SCAPER: variants seen among roughly 807,000 people sequenced by gnomAD.
The protein encoded by SCAPER is S-phase cyclin A associated protein in the ER, also known as S phase cyclin A-associated protein in the endoplasmic reticulum.
SCAPER carries 98 observed loss-of-function variants against 182.2 expected under a neutral mutation model. The observed-to-expected ratio is 0.54, with a 90% CI of 0.46 to 0.64. The LOEUF is 0.64. SCAPER is among the 30% of genes least tolerant of loss of function. The pLI, the probability that SCAPER is intolerant of heterozygous loss-of-function variation, is 0.00. For missense variants in SCAPER, 1,432 were observed against 1,690.0 expected, an observed-to-expected ratio of 0.85 and a Z score of 2.68; for synonymous variants, 605 against 564.6, an observed-to-expected ratio of 1.07 and a Z score of -1.01.
intron 22 of SCAPER, among the ~76,000 whole-genome samples, chr15:76,618,995 C>T (rs941969666): frequency 3.9e-5 from 6 of 152,154 alleles, no homozygotes; most frequent in Non-Finnish European, 7.3e-5. Context: ...CAGGTGCACA[C>T]CACTATGCCC....
At position 76,472,857 on chromosome 15, in the gene SCAPER, C is replaced by T. The variant is rs368085183; in HGVS notation, c.2955-1522G>A. On this transcript the variant is annotated intron_variant, in intron 24 of 31. Transcript: ENST00000563290. ...ACATGTAGCCACCTTGGCACAAATC[C>T]CTTGTGGTATGAAATAACAAATTAG... is the stretch of plus-strand genomic sequence containing the variant. 5.9e-5 allele frequency among the ~76,000 whole-genome samples: 9 copies of T among 152,218 alleles called. No individual in the cohort carries two copies. The East Asian group carries it at 1.2e-3, about 20-fold the overall frequency.
At chr15:76,608,516 C>T (rs1206067762) in intron 22 of SCAPER, among the ~76,000 whole-genome samples, 1 of 152,154 alleles carries the variant, frequency 6.6e-6, no homozygotes, top group Admixed American at 6.5e-5. Context: ...AAGTTGCGTG[C>T]TGGGAGAACC....
intron 22 of SCAPER, among the ~76,000 whole-genome samples, chr15:76,615,221 G>A (rs1184793733): frequency 6.6e-6 from 1 of 151,850 alleles, no homozygotes; most frequent in Admixed American, 6.6e-5. Context: ...AGGGGGGGCG[G>A]ATTGCTTGAG....
At chr15:76,421,316 A>C (rs2046021531) in intron 26 of SCAPER, among the ~76,000 whole-genome samples, 1 of 152,246 alleles carries the variant, frequency 6.6e-6, no homozygotes, top group South Asian at 2.1e-4. Context: ...CGCCATTCTA[A>C]CTGGTGTGAG....
intron 17 of SCAPER, among the ~76,000 whole-genome samples, chr15:76,715,122 T>C (rs1489351162): frequency 1.3e-5 from 2 of 152,050 alleles, no homozygotes; most frequent in East Asian, 1.9e-4. Context: ...ATCCCACTCA[T>C]TGGAGACCTC....
chr15:76,397,380 TA>T (rs1163822607), intron 27 of SCAPER, among the ~76,000 whole-genome samples: 3 of 152,186 alleles, frequency 2.0e-5, no homozygotes, highest in Admixed American at 6.5e-5. Context: ...TTTTTTGGAA[TA>T]GTTTGAGTAG....
intron 22 of SCAPER, among the ~76,000 whole-genome samples, chr15:76,608,870 G>C (rs2050715811): frequency 6.6e-6 from 1 of 152,164 alleles, no homozygotes; most frequent in Non-Finnish European, 1.5e-5. Flanking sequence ...AAGCCCGTTG[G>C]AAAAGCGCAG....
intron 25 of SCAPER, among the ~76,000 whole-genome samples, chr15:76,436,969 A>AT (rs2047240782): frequency 6.6e-6 from 1 of 152,190 alleles, no homozygotes. Flanking sequence ...CATGGTGCCC[A>AT]TTTTCAGAGG....
At chr15:76,429,356 C>T (rs1463200926) in intron 26 of SCAPER, among the ~76,000 whole-genome samples, 2 of 152,064 alleles carry the variant, frequency 1.3e-5, no homozygotes, top group Non-Finnish European at 2.9e-5. Context: ...AACTGGGTAA[C>T]AGGTAAAGGT....
intron 8 of SCAPER, among the ~76,000 whole-genome samples, chr15:76,786,401 A>G (rs983346752): frequency 6.6e-6 from 1 of 152,102 alleles, no homozygotes; most frequent in Non-Finnish European, 1.5e-5. Context: ...TCATCAGATC[A>G]TATCAACTGA....
chr15:76,601,878 T>C lies in SCAPER; in HGVS notation c.2711+19886A>G, dbSNP rs1382612808. On this transcript the variant is annotated intron_variant, in intron 22 of 31. Transcript: ENST00000563290. ...TCATCCCTTGGTATATGTGTGAGAT[T>C]GGTTCCAGGAACCCCATGTAAAGCA... Among the ~76,000 whole-genome samples the C allele has an allele frequency of 1.6e-5, 2 of 121,592 alleles. 1 individual carries two copies. Among genetic ancestry groups the C allele is most frequent in the Non-Finnish European group, 4.0e-5 (2 of 50,138 alleles). The allele number at this position is 121,592 out of a possible 152,430, so 79.8% of individuals were successfully genotyped here.
intron 20 of SCAPER, among the ~76,000 whole-genome samples, chr15:76,678,571 T>C (rs1220489163): frequency 6.6e-6 from 1 of 152,068 alleles, no homozygotes; most frequent in Non-Finnish European, 1.5e-5. Flanking sequence ...GGTTAAAACT[T>C]ATATTTCTTG....
chr15:76,872,028 G>T (rs1189302614), intron 2 of SCAPER, among the ~76,000 whole-genome samples: 1 of 151,866 alleles, frequency 6.6e-6, no homozygotes, highest in Admixed American at 6.6e-5. Flanking sequence ...AATTCACATG[G>T]ATATTCTAGA....
chr15:76,795,403 G>C lies in SCAPER; in HGVS notation c.649C>G (p.Pro217Ala), dbSNP rs1447903246. The C allele has an allele frequency of 1.2e-6, 2 of 1,607,956 alleles. No homozygotes were observed. The highest frequency in any genetic ancestry group is 1.1e-5 in the South Asian group (1 of 90,246). ...TTGTCAGCCCAACTGACACCTGTGG[G>C]AGCCAGACGAGGAGCTGGCACTGTG... Reference protein sequence around the residue: ...TGTVPAPRLAPTGVSWADKVK... With the variant: ...TGTVPAPRLAATGVSWADKVK... The change falls in exon 8 of 32, where the codon CCC becomes GCC. Residue 217 changes from proline (P) to alanine (A), a missense_variant. Physicochemically the swap from Pro to Ala is conservative, Grantham distance 27. This residue lies in a region of SCAPER where 480 missense variants were observed against 510.2 expected (regional missense o/e 0.94). Transcript: ENST00000563290.
intron 25 of SCAPER, among the ~76,000 whole-genome samples, chr15:76,452,857 T>A (rs75364878): frequency 1.3e-5 from 2 of 152,044 alleles, no homozygotes; most frequent in African/African-American, 4.8e-5. Flanking sequence ...TTTTTTTTTT[T>A]AGAGATAGAG....
intron 25 of SCAPER, among the ~76,000 whole-genome samples, chr15:76,464,994 C>T (rs375939088): frequency 1.3e-5 from 2 of 152,004 alleles, no homozygotes; most frequent in Admixed American, 6.6e-5. Context: ...TGATTTTGGT[C>T]ATCTTTTCAT....
Position 76,476,595 on chromosome 15 carries a change from A to ATTTTTTTTT in SCAPER, c.2955-5269_2955-5261dup, listed in dbSNP as rs5813839. On this transcript the variant is annotated intron_variant, in intron 24 of 31. Coordinates refer to ENST00000563290, the MANE Select transcript of SCAPER (RefSeq NM_020843.4). ...AGGTACACACCACAACACCCAGCTAATTTTTTTTTTTTTTTTTTTTTTTTT... is the reference window on the plus strand; with the variant it reads ...AGGTACACACCACAACACCCAGCTAATTTTTTTTTTTTTTTTTTTTTTTTTTTTTTTTTT... 3.9e-4 allele frequency among the ~76,000 whole-genome samples: 29 copies of ATTTTTTTTT among 73,532 alleles called. 1 individual carries two copies. The highest frequency in any genetic ancestry group is 9.8e-4 in the East Asian group (2 of 2,038). The allele number at this position is 73,532 out of a possible 152,430, so 48.2% of individuals were successfully genotyped here.
At chr15:76,474,921 T>C (rs150572373) in intron 24 of SCAPER, among the ~76,000 whole-genome samples, 1 of 152,186 alleles carries the variant, frequency 6.6e-6, no homozygotes, top group Admixed American at 6.5e-5. Context: ...CCTCACCCAA[T>C]TTCCCTGAGT....
At chr15:76,859,012 G>A (rs2151869734) in intron 3 of SCAPER, among the ~76,000 whole-genome samples, 1 of 152,242 alleles carries the variant, frequency 6.6e-6, no homozygotes, top group Non-Finnish European at 1.5e-5. Context: ...TGGGTCAAAT[G>A]GTAGTTCTGT....
Sources: allele counts gnomAD v4.1 joint callset (sites outside exome capture counted in the v4.1 genomes callset), GRCh38; gene constraint gnomAD v4.1.1; regional missense constraint gnomAD v4.1.1; transcripts MANE v1.5; gene names NCBI Gene and HGNC (gene_info 2026-07-23, HGNC 2026-07-21).